Variants in RASSF8 observed in about 807,000 individuals in gnomAD.
RASSF8 encodes Ras association domain family member 8, also known as ras association domain-containing protein 8.
In RASSF8, 22 loss-of-function variants were observed where a neutral mutation model predicts 48.5. That is an observed-to-expected ratio of 0.45 (90% confidence interval 0.32 to 0.65). The LOEUF is 0.65. RASSF8 is among the 30% of genes least tolerant of loss of function. The pLI is 0.03. For synonymous variants in RASSF8, 127 were observed against 171.5 expected (o/e 0.74, Z 2.03); for missense variants, 418 against 489.2 (o/e 0.85, Z 1.37).
chr12:26,066,750 T>C (rs969283924), intron 4 of RASSF8, among the ~76,000 whole-genome samples: 2 of 152,190 alleles, frequency 1.3e-5, no homozygotes, highest in African/African-American at 4.8e-5. Flanking sequence ...ACCATTCACT[T>C]CTAATCTCTT....
intron 2 of RASSF8, among the ~76,000 whole-genome samples, chr12:26,042,837 C>T (rs766280262): frequency 6.6e-6 from 1 of 152,080 alleles, no homozygotes; most frequent in Admixed American, 6.6e-5. Flanking sequence ...AGTGTGATAT[C>T]ATATTCACAG....
At chr12:26,004,952 G>T (rs1417636931) in intron 2 of RASSF8, among the ~76,000 whole-genome samples, 1 of 152,290 alleles carries the variant, frequency 6.6e-6, no homozygotes, top group Admixed American at 6.5e-5. Flanking sequence ...CCATGGGTTT[G>T]AGGCCAGTCT....
intron 3 of RASSF8, among the ~76,000 whole-genome samples, chr12:26,059,569 A>G (rs1943693619): frequency 6.6e-6 from 1 of 152,222 alleles, no homozygotes; most frequent in South Asian, 2.1e-4. Context: ...TATACTCTTC[A>G]TATGCTTTTT....
At chr12:26,006,202 C>T (rs1245587981) in intron 2 of RASSF8, among the ~76,000 whole-genome samples, 1 of 152,210 alleles carries the variant, frequency 6.6e-6, no homozygotes, top group East Asian at 1.9e-4. Context: ...TTCTTCTTCC[C>T]TTCCCTTCAG....
chr12:26,036,114 C>A (rs915896814), intron 2 of RASSF8, among the ~76,000 whole-genome samples: 1 of 151,696 alleles, frequency 6.6e-6, no homozygotes, highest in Non-Finnish European at 1.5e-5. Flanking sequence ...AGTTTACTCC[C>A]AGTGATCACT....
chr12:25,996,680 A>G (rs1484817790), intron 2 of RASSF8, among the ~76,000 whole-genome samples: 2 of 152,204 alleles, frequency 1.3e-5, no homozygotes, highest in African/African-American at 4.8e-5. Flanking sequence ...TTACAGTACA[A>G]AGAGACGCCT....
rs183876958 is a variant in RASSF8, at chr12:26,005,558, T to G, written c.-109+10428T>G. Among the ~76,000 whole-genome samples the G allele has an allele frequency of 4.7e-4, 72 of 152,288 alleles. No individual in the cohort carries two copies. The Middle Eastern group carries it at 0.01, about 22-fold the overall frequency. ...TAGAATATAAAATCTTTTTTTTGGTTGTTGTTTTTAAGCTCTACTAAGATA... is the reference window on the plus strand; with the variant it reads ...TAGAATATAAAATCTTTTTTTTGGTGGTTGTTTTTAAGCTCTACTAAGATA... On this transcript the variant is annotated intron_variant, in intron 2 of 5. Transcript: ENST00000689635.
At chr12:26,032,282 G>A (rs182508780) in intron 2 of RASSF8, among the ~76,000 whole-genome samples, 8 of 152,250 alleles carry the variant, frequency 5.3e-5, no homozygotes, top group Admixed American at 2.6e-4. Context: ...CATTTTCCCC[G>A]AAAGGAAGTG....
intron 2 of RASSF8, among the ~76,000 whole-genome samples, chr12:26,027,938 A>G (rs187727546): frequency 3.9e-4 from 60 of 152,346 alleles, no homozygotes; most frequent in Middle Eastern, 6.8e-3. Flanking sequence ...AAGTCAGGAC[A>G]AAGGAGTGGC....
chr12:25,996,795 T>C (rs1488657567), intron 2 of RASSF8, among the ~76,000 whole-genome samples: 1 of 152,180 alleles, frequency 6.6e-6, no homozygotes, highest in Non-Finnish European at 1.5e-5. Flanking sequence ...TACCTGAAAC[T>C]TAGAAAACTT....
At chr12:25,995,842 CA>C (rs1942120019) in intron 2 of RASSF8, among the ~76,000 whole-genome samples, 1 of 152,166 alleles carries the variant, frequency 6.6e-6, no homozygotes, top group South Asian at 2.1e-4. Flanking sequence ...TCACACTTTA[CA>C]GGTAAATAAA....
intron 1 of RASSF8, among the ~76,000 whole-genome samples, chr12:25,990,817 T>C (rs1045686371): frequency 6.6e-6 from 1 of 152,238 alleles, no homozygotes; most frequent in African/African-American, 2.4e-5. Flanking sequence ...ATATCACTTA[T>C]GAAAATGTGC....
chr12:26,002,957 A>C (rs1942296634), intron 2 of RASSF8, among the ~76,000 whole-genome samples: 2 of 152,362 alleles, frequency 1.3e-5, no homozygotes, highest in South Asian at 4.1e-4. Flanking sequence ...ATTCAAAAAC[A>C]TATACATGAC....
chr12:26,002,438 C>G (rs955492952), intron 2 of RASSF8, among the ~76,000 whole-genome samples: 2 of 150,870 alleles, frequency 1.3e-5, no homozygotes, highest in Non-Finnish European at 2.9e-5. Context: ...ATCTCAAAAA[C>G]AAACAAACAA....
At chr12:25,998,050 T>C (rs914447703) in intron 2 of RASSF8, among the ~76,000 whole-genome samples, 1 of 152,214 alleles carries the variant, frequency 6.6e-6, no homozygotes, top group African/African-American at 2.4e-5. Flanking sequence ...TTGATACTGA[T>C]TGAAGAAATT....
downstream of RASSF8, among the ~76,000 whole-genome samples, chr12:26,073,725 G>A (rs1425740671): frequency 1.2e-5 from 1 of 83,602 alleles, no homozygotes; most frequent in Non-Finnish European, 2.2e-5. Flanking sequence ...AACAACAAAA[G>A]CGAGACTCTC....
intron 1 of RASSF8, among the ~76,000 whole-genome samples, chr12:25,963,321 CAA>C (rs61607517): frequency 3.0e-3 from 291 of 96,162 alleles, no homozygotes; most frequent in Non-Finnish European, 4.5e-3. Context: ...TTGTTTTAGC[CAA>C]AAAAAAAAAA....
intron 2 of RASSF8, among the ~76,000 whole-genome samples, chr12:26,013,414 G>A (rs1942576370): frequency 1.3e-5 from 2 of 152,270 alleles, no homozygotes; most frequent in South Asian, 2.1e-4. Context: ...ATGAGCTTAA[G>A]GGAGTTCAGG....
In RASSF8 at chr12:26,025,001, G is replaced by A. The variant is rs567756499; in HGVS notation, c.-109+29871G>A. Among the ~76,000 whole-genome samples the A allele has an allele frequency of 5.3e-4, 80 of 151,864 alleles. 1 individual carries two copies. Among genetic ancestry groups the A allele is most frequent in the Non-Finnish European group, 4.9e-4 (33 of 67,936 alleles). ...TAATACACTACATCAATAGAATAAA[G>A]AACAAAAACTACATGATTATTTCAA... On this transcript the variant is annotated intron_variant, in intron 2 of 5. Coordinates refer to ENST00000689635, the MANE Select transcript of RASSF8 (RefSeq NM_001394098.1).
Sources: allele counts gnomAD v4.1 joint callset (sites outside exome capture counted in the v4.1 genomes callset), GRCh38; gene constraint gnomAD v4.1.1; transcripts MANE v1.5; gene names NCBI Gene and HGNC (gene_info 2026-07-23, HGNC 2026-07-21).